BRINP3: variants seen among roughly 807,000 people sequenced by gnomAD.
BRINP3 encodes the protein BMP/retinoic acid inducible neural specific 3, also known as BMP/retinoic acid-inducible neural-specific protein 3.
A neutral mutation model predicts 71.0 loss-of-function variants in BRINP3; 19 were observed. The ratio of observed to expected loss-of-function variants is 0.27; its 90% CI spans 0.19 to 0.39. The LOEUF (loss-of-function observed/expected upper bound fraction) is 0.39. Among genes scored for constraint, BRINP3 ranks in the 10% least tolerant of loss-of-function variants. BRINP3 has a pLI of 1.00. For synonymous variants in BRINP3, 380 were observed against 337.7 expected (o/e 1.13, Z -1.37); for missense variants, 959 against 940.8 (o/e 1.02, Z -0.25).
At chr1:190,131,249 C>A (rs1026287807) in intron 7 of BRINP3, among the ~76,000 whole-genome samples, 1 of 151,450 alleles carries the variant, frequency 6.6e-6, no homozygotes, top group Admixed American at 6.6e-5. Context: ...GTGTACAAAG[C>A]CTTCACTCAA....
At chr1:190,155,296 T>C (rs1350152145) in intron 7 of BRINP3, among the ~76,000 whole-genome samples, 1 of 152,128 alleles carries the variant, frequency 6.6e-6, no homozygotes, top group African/African-American at 2.4e-5. Context: ...ATATATTCAA[T>C]TGTTTTAATT....
intron 2 of BRINP3, among the ~76,000 whole-genome samples, chr1:190,432,970 A>G (rs1411657608): frequency 6.6e-6 from 1 of 152,220 alleles, no homozygotes; most frequent in Non-Finnish European, 1.5e-5. Flanking sequence ...TTTCATAAAC[A>G]TATATCAATT....
intron 2 of BRINP3, among the ~76,000 whole-genome samples, chr1:190,341,378 A>G (rs944801395): frequency 1.3e-5 from 2 of 152,012 alleles, no homozygotes; most frequent in South Asian, 2.1e-4. Flanking sequence ...ATGATGTTTA[A>G]TATTTCTTCT....
chr1:190,284,595 T>C (rs1052912370), intron 2 of BRINP3, among the ~76,000 whole-genome samples: 10 of 152,080 alleles, frequency 6.6e-5, no homozygotes, highest in African/African-American at 1.2e-4. Context: ...ATGTTTTCTC[T>C]GAATAGCCTA....
chr1:190,454,650 CATACCTGT>C lies in BRINP3; in HGVS notation c.233_236+4del. The C allele has an allele frequency of 6.2e-7, 1 of 1,610,570 alleles. No individual in the cohort carries two copies. Among genetic ancestry groups the C allele is most frequent in the Non-Finnish European group, 8.5e-7 (1 of 1,177,216 alleles). Reference sequence around the variant, plus strand: ...TTCTGTAATTGCTTTCCCTTTGCTTCATACCTGTATATCTTGTATCTTGTGCTAAATCC... The same window carrying C: ...TTCTGTAATTGCTTTCCCTTTGCTTCATATCTTGTATCTTGTGCTAAATCC... On this transcript the variant is annotated splice_donor_variant and splice_donor_region_variant and coding_sequence_variant and intron_variant, in exon 2 of 8. Transcript: ENST00000367462. LOFTEE classifies it high-confidence loss of function.
intron 2 of BRINP3, among the ~76,000 whole-genome samples, chr1:190,367,066 C>A (rs1669550410): frequency 6.6e-6 from 1 of 152,204 alleles, no homozygotes; most frequent in Non-Finnish European, 1.5e-5. Context: ...CACAGCTCCA[C>A]TGGGTAGTGC....
At chr1:190,147,320 G>A (rs536548056) in intron 7 of BRINP3, among the ~76,000 whole-genome samples, 1 of 152,030 alleles carries the variant, frequency 6.6e-6, no homozygotes, top group Non-Finnish European at 1.5e-5. Context: ...AATAGAAGAC[G>A]ATCTTTTCTT....
At chr1:190,302,143 G>T (rs1232940328) in intron 2 of BRINP3, among the ~76,000 whole-genome samples, 3 of 150,822 alleles carry the variant, frequency 2.0e-5, no homozygotes, top group African/African-American at 7.3e-5. Context: ...ATTATTGAAA[G>T]CAAATGACAC....
At chr1:190,103,929 T>C (rs191523842) in intron 7 of BRINP3, among the ~76,000 whole-genome samples, 1,793 of 151,820 alleles carry the variant, frequency 0.012, 25 homozygotes, top group Non-Finnish European at 0.015. Context: ...TTTAATTTCA[T>C]CTCCTTTCAG....
chr1:190,381,430 T>C (rs1273368360), intron 2 of BRINP3, among the ~76,000 whole-genome samples: 3 of 152,188 alleles, frequency 2.0e-5, no homozygotes, highest in South Asian at 2.1e-4. Context: ...GTAGTATTCA[T>C]ATTTTTATAA....
At chr1:190,175,693 G>A (rs1305122165) in intron 6 of BRINP3, among the ~76,000 whole-genome samples, 2 of 152,062 alleles carry the variant, frequency 1.3e-5, no homozygotes, top group African/African-American at 4.8e-5. Flanking sequence ...CTCCTTATAG[G>A]ACATGAAAAG....
At chr1:190,463,095 A>G (rs1445071339) in intron 1 of BRINP3, among the ~76,000 whole-genome samples, 1 of 151,840 alleles carries the variant, frequency 6.6e-6, no homozygotes, top group Non-Finnish European at 1.5e-5. Flanking sequence ...ATCATGGCTA[A>G]ACTGGATTAA....
At chr1:190,175,136 C>T (rs2488479) in intron 6 of BRINP3, among the ~76,000 whole-genome samples, 6,208 of 152,134 alleles carry the variant, frequency 0.041, 415 homozygotes, top group African/African-American at 0.14. Flanking sequence ...TCCTTTCTCA[C>T]AACAATATTT....
At chr1:190,224,827 G>A (rs1657195241) in intron 6 of BRINP3, among the ~76,000 whole-genome samples, 2 of 151,850 alleles carry the variant, frequency 1.3e-5, no homozygotes, top group Admixed American at 6.6e-5. Flanking sequence ...CCCAATTAAA[G>A]ACTGGGCAGA....
intron 2 of BRINP3, among the ~76,000 whole-genome samples, chr1:190,410,422 G>T (rs1203899097): frequency 6.6e-6 from 1 of 152,042 alleles, no homozygotes; most frequent in East Asian, 1.9e-4. Context: ...TAAAATAAAG[G>T]TTTCATTACA....
At chr1:190,328,555 C>T (rs1314165786) in intron 2 of BRINP3, among the ~76,000 whole-genome samples, 1 of 151,646 alleles carries the variant, frequency 6.6e-6, no homozygotes, top group Non-Finnish European at 1.5e-5. Flanking sequence ...CTGAAAAATG[C>T]CACAGGGCCA....
chr1:190,277,087 T>TATATATA (rs1553276640), intron 3 of BRINP3, among the ~76,000 whole-genome samples: 34 of 36,038 alleles, frequency 9.4e-4, no homozygotes, highest in African/African-American at 2.0e-3. Flanking sequence ...AATTTTGGTT[T>TATATATA]TATATATATA....
At chr1:190,373,944 A>G (rs1309315130) in intron 2 of BRINP3, among the ~76,000 whole-genome samples, 1 of 151,032 alleles carries the variant, frequency 6.6e-6, no homozygotes, top group East Asian at 2.1e-4. Context: ...AGTGTAGTGT[A>G]GCGTAGCCCA....
intron 2 of BRINP3, among the ~76,000 whole-genome samples, chr1:190,297,252 A>G (rs1359342016): frequency 6.6e-6 from 1 of 152,124 alleles, no homozygotes; most frequent in East Asian, 1.9e-4. Context: ...TGGTTATCTA[A>G]TTTTTGACAA....
Sources: gnomAD v4.1 joint callset for allele counts (sites outside exome capture counted in the v4.1 genomes callset) on GRCh38, gnomAD v4.1.1 for gene constraint, MANE v1.5 for transcripts, NCBI Gene and HGNC (gene_info 2026-07-23, HGNC 2026-07-21) for gene names.